ZNF521: variants seen among roughly 807,000 people sequenced by gnomAD.
ZNF521 encodes the protein LYST-interacting protein 3.
ZNF521 carries 14 observed loss-of-function variants against 105.5 expected under a neutral mutation model. The ratio of observed to expected loss-of-function variants is 0.13; its 90% CI spans 0.09 to 0.21. ZNF521 has a LOEUF of 0.21. ZNF521 is among the 10% of genes least tolerant of loss of function. The probability of loss-of-function intolerance (pLI) is 1.00; values close to 1 mark genes in which losing one functional copy is unlikely to be tolerated. For missense variants in ZNF521, 1,233 were observed against 1,629.7 expected (o/e 0.76, Z 4.19); for synonymous variants, 635 against 606.0 (o/e 1.05, Z -0.70).
intron 3 of ZNF521, among the ~76,000 whole-genome samples, chr18:25,299,896 A>G (rs942786263): frequency 2.6e-5 from 4 of 152,224 alleles, no homozygotes; most frequent in Admixed American, 6.5e-5. Flanking sequence ...GACCACAACG[A>G]TAACTGCCAT....
chr18:25,208,709 A>T (rs915385616), intron 4 of ZNF521, among the ~76,000 whole-genome samples: 1 of 152,196 alleles, frequency 6.6e-6, no homozygotes, highest in Admixed American at 6.5e-5. Context: ...TGTTATGCCA[A>T]ATTTAAAACA....
chr18:25,065,057 C>T lies in ZNF521; in HGVS notation c.3907-2316G>A, dbSNP rs9962268. Among the ~76,000 whole-genome samples the T allele has an allele frequency of 5.5e-3, 832 of 152,202 alleles. 5 individuals carry two copies. Among genetic ancestry groups the T allele is most frequent in the African/African-American group, 0.018 (767 of 41,544 alleles). On this transcript the variant is annotated intron_variant, in intron 7 of 7. Transcript: ENST00000361524. ...AAAACTTTGCTATTTTCTGAAAAAT[C>T]AACATGATTCTGTTCGGAAAGGTTA...
chr18:25,074,065 C>T (rs924095387), intron 7 of ZNF521, among the ~76,000 whole-genome samples: 6 of 117,476 alleles, frequency 5.1e-5, no homozygotes, highest in Non-Finnish European at 9.6e-5. Context: ...TGTGTGCGCA[C>T]GCGTGTGTGC....
At chr18:25,336,485 C>A (rs1380425542) in intron 2 of ZNF521, among the ~76,000 whole-genome samples, 7 of 152,184 alleles carry the variant, frequency 4.6e-5, no homozygotes, top group Admixed American at 1.3e-4. Flanking sequence ...AGACACCAAT[C>A]CGACTTACCA....
intron 5 of ZNF521, among the ~76,000 whole-genome samples, chr18:25,092,996 A>AG (rs1185995985): frequency 5.3e-5 from 8 of 152,240 alleles, no homozygotes; most frequent in Non-Finnish European, 1.0e-4. Flanking sequence ...TAGAGCTAGC[A>AG]GCCTAGCTGA....
At chr18:25,155,261 T>A (rs1253781047) in intron 5 of ZNF521, among the ~76,000 whole-genome samples, 1 of 152,210 alleles carries the variant, frequency 6.6e-6, no homozygotes, top group Non-Finnish European at 1.5e-5. Flanking sequence ...TATGTTTTCT[T>A]CCTATTGAGT....
chr18:25,225,641 C>A lies in ZNF521; in HGVS notation c.2277G>T (p.Trp759Cys), dbSNP rs1906072030. Residue 759 changes from tryptophan (W) to cysteine (C), a missense_variant, in exon 4 of 8, where the codon TGG (tryptophan) becomes TGT (cysteine). Trp to Cys is a radical substitution (Grantham distance 215). Transcript: ENST00000361524. The surrounding 1 kb of genome is among the most constrained non-coding windows in gnomAD (Gnocchi z 5.6). The part of the protein sequence containing the change: ...KKVYRCTSCN[W>C]DFRNETDLQL... ...GCAAGTCAGTTTCGTTGCGGAAGTC[C>A]CAGTTGCAAGATGTGCACCTATAGA... The A allele has an allele frequency of 6.2e-7, 1 of 1,613,998 alleles. No homozygotes were observed. Among genetic ancestry groups the A allele is most frequent in the Admixed American group, 1.7e-5 (1 of 60,006 alleles).
At chr18:25,129,525 A>C (rs1023348587) in intron 5 of ZNF521, among the ~76,000 whole-genome samples, 1 of 152,044 alleles carries the variant, frequency 6.6e-6, no homozygotes, top group Non-Finnish European at 1.5e-5. Context: ...GCAAAAGACA[A>C]TATTAGGAGA....
chr18:25,093,867 A>C (rs1018086603), intron 5 of ZNF521, among the ~76,000 whole-genome samples: 41 of 152,170 alleles, frequency 2.7e-4, no homozygotes, highest in African/African-American at 9.6e-4. Context: ...GAAGTCACCA[A>C]AAAATTTCCA....
At chr18:25,150,600 T>G (rs752097642) in intron 5 of ZNF521, among the ~76,000 whole-genome samples, 1 of 152,158 alleles carries the variant, frequency 6.6e-6, no homozygotes, top group Non-Finnish European at 1.5e-5. Context: ...ATAAAATACA[T>G]GAAGGACTTT....
intron 5 of ZNF521, among the ~76,000 whole-genome samples, chr18:25,102,588 T>A (rs2033989332): frequency 6.6e-6 from 1 of 152,024 alleles, no homozygotes. Context: ...GTACAGTATA[T>A]GTGCTCATAG....
chr18:25,068,508 AT>A (rs35395645), intron 7 of ZNF521, among the ~76,000 whole-genome samples: 107 of 149,748 alleles, frequency 7.1e-4, no homozygotes, highest in South Asian at 1.5e-3. Flanking sequence ...TTCATTTTTA[AT>A]TTTTTTTTTT....
At chr18:25,260,330 T>C (rs1038458733) in intron 3 of ZNF521, among the ~76,000 whole-genome samples, 1 of 151,990 alleles carries the variant, frequency 6.6e-6, no homozygotes, top group African/African-American at 2.4e-5. Context: ...TAAGCTAAGG[T>C]TGGTAGTTTA....
intron 3 of ZNF521, among the ~76,000 whole-genome samples, chr18:25,319,300 A>G (rs1267069789): frequency 6.6e-6 from 1 of 152,250 alleles, no homozygotes. Context: ...TAGACATAAA[A>G]ACAGTGAGCA....
intron 5 of ZNF521, among the ~76,000 whole-genome samples, chr18:25,180,839 AAACAACAAC>A (rs59270952): frequency 3.3e-5 from 5 of 151,906 alleles, no homozygotes; most frequent in East Asian, 1.9e-4. Context: ...GCCTCATTCA[AAACAACAAC>A]AACAACAACA....
At chr18:25,131,762 C>G (rs562901860) in intron 5 of ZNF521, among the ~76,000 whole-genome samples, 1 of 152,136 alleles carries the variant, frequency 6.6e-6, no homozygotes, top group Non-Finnish European at 1.5e-5. Flanking sequence ...GTAATATCCT[C>G]TAGTTAATAT....
At chr18:25,239,094 T>C (rs891566319) in intron 3 of ZNF521, among the ~76,000 whole-genome samples, 1 of 152,188 alleles carries the variant, frequency 6.6e-6, no homozygotes. Flanking sequence ...GAATCCCAGT[T>C]CTTCCAAGAA....
chr18:25,328,449 GCA>G (rs1913366367), intron 2 of ZNF521, among the ~76,000 whole-genome samples: 1 of 128,208 alleles, frequency 7.8e-6, no homozygotes, highest in Admixed American at 7.7e-5. Flanking sequence ...ACACACACAC[GCA>G]TTCACTTTCA....
At chr18:25,266,255 T>C in intron 3 of ZNF521, among the ~76,000 whole-genome samples, 1 of 152,338 alleles carries the variant, frequency 6.6e-6, no homozygotes, top group African/African-American at 2.4e-5. Context: ...TTCTTCATGA[T>C]GTGCTTATTT....
Sources: gnomAD v4.1 joint callset for allele counts (sites outside exome capture counted in the v4.1 genomes callset) on GRCh38, gnomAD v4.1.1 for gene constraint, Gnocchi (gnomAD v3.1) non-coding constraint, MANE v1.5 for transcripts, NCBI Gene and HGNC (gene_info 2026-07-23, HGNC 2026-07-21) for gene names.